PLAAT2: variants seen among roughly 807,000 people sequenced by gnomAD.
PLAAT2 encodes the protein phospholipase A and acyltransferase 2, also known as HRAS like suppressor 2.
PLAAT2 carries 12 observed loss-of-function variants against 12.8 expected under a neutral mutation model. The ratio of observed to expected loss-of-function variants is 0.94; its 90% CI spans 0.60 to 1.52. PLAAT2 has a LOEUF of 1.52. Among genes scored for constraint, PLAAT2 ranks in the 40% most tolerant of loss-of-function variants. The pLI, the probability that PLAAT2 is intolerant of heterozygous loss-of-function variation, is 0.00. For missense variants in PLAAT2, 166 were observed against 208.1 expected, an observed-to-expected ratio of 0.80 and a Z score of 1.24; for synonymous variants, 79 against 86.8, an observed-to-expected ratio of 0.91 and a Z score of 0.50.
intron 1 of PLAAT2, 33 bp from the exon 2 acceptor site, chr11:63,560,226 G>A (rs1298427038): frequency 6.5e-7 from 1 of 1,530,120 alleles, no homozygotes; most frequent in Non-Finnish European, 9.0e-7. Context: ...AGGCAGAGGT[G>A]AGCCATCTGC....
chr11:63,553,164 T>C lies in PLAAT2; in HGVS notation c.388-99A>G. On this transcript the variant is annotated intron_variant, in intron 3 of 3. Transcript: ENST00000255695. ...CTCAGGAAAGACTCATCTGGCCCAG[T>C]CCTCTTCATTTGAATCACAGAGGGA... 13 of 706,452 alleles carry C rather than the reference T, an allele frequency of 1.8e-5. No individual in the cohort carries two copies. In the South Asian group the frequency reaches 1.9e-4, roughly 11 times the overall value. 43.8% of individuals were successfully genotyped at this position (706,452 alleles called of 1,614,324 possible).
chr11:63,563,971 G>C (rs990225679), upstream of PLAAT2, among the ~76,000 whole-genome samples: 7 of 152,114 alleles, frequency 4.6e-5, no homozygotes, highest in Non-Finnish European at 7.4e-5. Context: ...AGGATATAGA[G>C]ACAGAGACCA....
chr11:63,556,472 C>T (rs2134369936), intron 3 of PLAAT2, among the ~76,000 whole-genome samples: 1 of 152,200 alleles, frequency 6.6e-6, no homozygotes, highest in Admixed American at 6.5e-5. Context: ...GCAGCCCACC[C>T]CCAATCCCCT....
In PLAAT2 at chr11:63,558,496, G is replaced by A. The variant is rs372878699; in HGVS notation, c.283C>T (p.Arg95Trp). The change falls in exon 3 of 4, where the codon CGG becomes TGG. Residue 95 changes from arginine to tryptophan, a missense_variant. By Grantham distance (101) the Arg-to-Trp change is moderately radical. Coordinates refer to ENST00000255695, the MANE Select transcript of PLAAT2 (RefSeq NM_017878.2). ...TPLPSNKIVK[R>W]AEELVGQELP... ...TCCTGCCCCACCAACTCCTCTGCCCGCTTGACGATTTTGTTGGAAGGCAGT... is the reference window on the plus strand; with the variant it reads ...TCCTGCCCCACCAACTCCTCTGCCCACTTGACGATTTTGTTGGAAGGCAGT... 5.6e-5 allele frequency: 91 copies of A among 1,614,106 alleles called. No homozygotes were observed. The Middle Eastern group carries it at 6.6e-4, about 12-fold the overall frequency.
chr11:63,556,404 C>G (rs543045326), intron 3 of PLAAT2, among the ~76,000 whole-genome samples: 2 of 152,218 alleles, frequency 1.3e-5, no homozygotes, highest in East Asian at 3.9e-4. Context: ...TGGGGTCTTC[C>G]AGATTGATTT....
chr11:63,553,003 C>T lies in PLAAT2; in HGVS notation c.450G>A (p.Val150=). 1 of 1,614,090 alleles carries T rather than the reference C, an allele frequency of 6.2e-7. No homozygotes were observed. The highest frequency in any genetic ancestry group is 8.5e-7 in the Non-Finnish European group (1 of 1,179,962). The change falls in exon 4 of 4, where the codon GTG becomes GTA. Residue 150 remains valine, a synonymous_variant. Transcript: ENST00000255695. The stretch of plus-strand genomic sequence containing the variant: ...GCTTGCTTCTGGCCAGCAGGATCCC[C>T]ACAAGGCTTGCGGCAGCCAGCAGGC... The part of the protein sequence containing the change: ...AAGLLAAASL[V]GILLARSKRE...
intron 3 of PLAAT2, among the ~76,000 whole-genome samples, chr11:63,557,926 G>A (rs993151567): frequency 2.6e-5 from 4 of 152,172 alleles, no homozygotes; most frequent in Admixed American, 1.3e-4. Flanking sequence ...CTGGGCTCGG[G>A]TGTGACCTCT....
intron 3 of PLAAT2, among the ~76,000 whole-genome samples, chr11:63,554,627 C>T (rs1011724808): frequency 1.7e-4 from 16 of 93,304 alleles, no homozygotes; most frequent in African/African-American, 6.5e-4. Flanking sequence ...GACTATGTCT[C>T]AAAAAAAAAA....
At position 63,558,638 on chromosome 11, in the gene PLAAT2, C is replaced by T. The variant is rs140042221; in HGVS notation, c.141G>A (p.Ala47=). The T allele has an allele frequency of 8.9e-5, 144 of 1,614,102 alleles. No homozygotes were observed. The highest frequency in any genetic ancestry group is 1.5e-4 in the Admixed American group (9 of 60,002). Reference sequence around the variant, plus strand: ...TGGTCAGGGCAGACAGGACACTGGCCGCACCAGCTCCAGCAATTTCACCTG... The same window carrying T: ...TGGTCAGGGCAGACAGGACACTGGCTGCACCAGCTCCAGCAATTTCACCTG... ...APASEIAGAG[A]ASVLSALTNK... Residue 47 remains alanine, a synonymous_variant, in exon 3 of 4, where the codon GCG becomes GCA. Coordinates refer to ENST00000255695, the MANE Select transcript of PLAAT2 (RefSeq NM_017878.2).
At chr11:63,561,100 G>A (rs1253694924) in intron 1 of PLAAT2, among the ~76,000 whole-genome samples, 1 of 152,358 alleles carries the variant, frequency 6.6e-6, no homozygotes, top group Middle Eastern at 3.4e-3. Flanking sequence ...GCTGCCGAGG[G>A]TGGTGAGAGT....
chr11:63,560,501 T>C (rs1379879540), intron 1 of PLAAT2, among the ~76,000 whole-genome samples: 1 of 152,220 alleles, frequency 6.6e-6, no homozygotes, highest in Non-Finnish European at 1.5e-5. Context: ...GAGTGCATTT[T>C]ATGCACAGAG....
In PLAAT2 at chr11:63,560,192, G is replaced by C; in HGVS notation, c.11C>G (p.Ala4Gly). Residue 4 changes from alanine to glycine, a missense_variant and splice_region_variant, in exon 2 of 4, where the codon GCC becomes GGC. Physicochemically the swap from Ala to Gly is moderately conservative, Grantham distance 60 (BLOSUM62 0). Transcript: ENST00000255695. Reference protein sequence around the residue: MALARPRPRLGDLI... With the variant: MALGRPRPRLGDLI... ...GTCTCCAAGTCTCGGTCTTGGTCTG[G>C]CCTGCAACAGAAAAACCAGAAACAG... is the stretch of plus-strand genomic sequence containing the variant. The C allele has an allele frequency of 3.7e-6, 6 of 1,612,112 alleles. No homozygotes were observed. Among genetic ancestry groups the C allele is most frequent in the Non-Finnish European group, 5.1e-6 (6 of 1,178,772 alleles).
chr11:63,563,654 C>A (rs914715138), upstream of PLAAT2, among the ~76,000 whole-genome samples: 2 of 144,256 alleles, frequency 1.4e-5, no homozygotes, highest in African/African-American at 5.2e-5. Flanking sequence ...GTAGGCAGAC[C>A]TTGCAGCGAG....
At chr11:63,563,142 C>A (rs2134375944) in intron 1 of PLAAT2, among the ~76,000 whole-genome samples, 174 bp downstream of exon 1, 1 of 152,328 alleles carries the variant, frequency 6.6e-6, no homozygotes, top group Admixed American at 6.5e-5. Context: ...AGGGTCATAA[C>A]CCAGCACCGT....
At chr11:63,555,735 G>C (rs649660) in intron 3 of PLAAT2, among the ~76,000 whole-genome samples, 2 of 152,126 alleles carry the variant, frequency 1.3e-5, no homozygotes, top group Admixed American at 6.6e-5. Flanking sequence ...GGGAGGATGT[G>C]CACAGGTTAT....
intron 1 of PLAAT2, among the ~76,000 whole-genome samples, chr11:63,561,905 C>T (rs952880982): frequency 6.6e-6 from 1 of 151,910 alleles, no homozygotes; most frequent in Non-Finnish European, 1.5e-5. Flanking sequence ...CAAACTGAAA[C>T]ACATCAAATA....
chr11:63,557,815 C>A (rs914540464), intron 3 of PLAAT2, among the ~76,000 whole-genome samples: 1 of 152,200 alleles, frequency 6.6e-6, no homozygotes, highest in African/African-American at 2.4e-5. Context: ...TTTCCCCTTC[C>A]TGGCTCACGC....
intron 3 of PLAAT2, among the ~76,000 whole-genome samples, chr11:63,557,413 G>C (rs1020859786): frequency 3.9e-5 from 6 of 151,936 alleles, no homozygotes; most frequent in African/African-American, 1.5e-4. Context: ...TGTAGTCCCA[G>C]CCACTCAGGA....
At chr11:63,555,515 C>G (rs2017458918) in intron 3 of PLAAT2, among the ~76,000 whole-genome samples, 1 of 152,070 alleles carries the variant, frequency 6.6e-6, no homozygotes, top group Non-Finnish European at 1.5e-5. Context: ...TGGTGAAACC[C>G]CATTGCTACA....
Sources: allele counts gnomAD v4.1 joint callset (sites outside exome capture counted in the v4.1 genomes callset), GRCh38; gene constraint gnomAD v4.1.1; transcripts MANE v1.5; gene names NCBI Gene and HGNC (gene_info 2026-07-23, HGNC 2026-07-21).